The following C12orf42 variants were observed in gnomAD, a reference collection of about 807,000 sequenced individuals.
C12orf42 encodes chromosome 12 open reading frame 42, also known as uncharacterized protein C12orf42.
In C12orf42, 25 loss-of-function variants were observed where a neutral mutation model predicts 21.6. That is an observed-to-expected ratio of 1.16 (90% CI 0.84 to 1.62). C12orf42 has a LOEUF of 1.62. Among genes scored for constraint, C12orf42 ranks in the 40% most tolerant of loss-of-function variants. The pLI is 0.00. For missense variants in C12orf42, 483 were observed against 459.3 expected, an observed-to-expected ratio of 1.05 and a Z score of -0.47; for synonymous variants, 174 against 175.0, an observed-to-expected ratio of 0.99 and a Z score of 0.05.
At chr12:103,551,688 G>A in the C12orf42 span, among the ~76,000 whole-genome samples, 2 of 152,056 alleles carry the variant, frequency 1.3e-5, no homozygotes, top group Non-Finnish European at 2.9e-5. Context: ...ATGATGACAT[G>A]CACCTGTAGT....
the C12orf42 span, among the ~76,000 whole-genome samples, chr12:103,526,804 C>T: frequency 2.0e-5 from 3 of 152,188 alleles, no homozygotes; most frequent in Non-Finnish European, 4.4e-5. Flanking sequence ...GCATTTCAAT[C>T]TGGGACTGCT....
the C12orf42 span, among the ~76,000 whole-genome samples, chr12:103,052,088 T>C: frequency 1.3e-5 from 2 of 152,204 alleles, no homozygotes; most frequent in Non-Finnish European, 2.9e-5. Context: ...TTTAACAGTT[T>C]CTTTATTTTA....
intron 2 of C12orf42, among the ~76,000 whole-genome samples, chr12:103,433,510 C>T (rs1245658871): frequency 6.6e-6 from 1 of 152,164 alleles, no homozygotes; most frequent in East Asian, 1.9e-4. Context: ...AATTTCCTAA[C>T]AATTGTACCA....
intron 4 of C12orf42, among the ~76,000 whole-genome samples, chr12:103,362,596 A>G (rs1213945040): frequency 6.6e-6 from 1 of 152,102 alleles, no homozygotes; most frequent in African/African-American, 2.4e-5. Context: ...GAAATTGAAA[A>G]CATGATATAA....
intron 4 of C12orf42, among the ~76,000 whole-genome samples, chr12:103,347,914 T>C (rs140245726): frequency 6.6e-6 from 1 of 152,146 alleles, no homozygotes; most frequent in African/African-American, 2.4e-5. Context: ...TAAAAGAATA[T>C]GTATATAGGT....
At chr12:103,172,224 A>G in the C12orf42 span, among the ~76,000 whole-genome samples, 1 of 152,068 alleles carries the variant, frequency 6.6e-6, no homozygotes, top group African/African-American at 2.4e-5. Flanking sequence ...GAAAAACAGA[A>G]TAGGGTAATA....
the C12orf42 span, among the ~76,000 whole-genome samples, chr12:103,180,280 G>A: frequency 6.6e-6 from 1 of 152,160 alleles, no homozygotes; most frequent in Non-Finnish European, 1.5e-5. Flanking sequence ...TGGCGAGGAG[G>A]GGAGAAAATT....
the C12orf42 span, among the ~76,000 whole-genome samples, chr12:103,545,380 TA>T: frequency 1.1e-4 from 17 of 152,158 alleles, 1 homozygote; most frequent in African/African-American, 3.6e-4. Context: ...GAAATAAATA[TA>T]AAAAACATTT....
At chr12:103,227,623 G>T in the C12orf42 span, among the ~76,000 whole-genome samples, 2 of 152,046 alleles carry the variant, frequency 1.3e-5, no homozygotes, top group African/African-American at 2.4e-5. Flanking sequence ...GAGAGAAGGG[G>T]TTGGGGTACT....
chr12:103,188,028 T>C, the C12orf42 span, among the ~76,000 whole-genome samples: 2 of 152,224 alleles, frequency 1.3e-5, no homozygotes, highest in African/African-American at 2.4e-5. Flanking sequence ...CTGAATTTCC[T>C]TTGAAATCTC....
At chr12:103,395,116 C>T (rs552258928) in intron 3 of C12orf42, among the ~76,000 whole-genome samples, 1 of 152,334 alleles carries the variant, frequency 6.6e-6, no homozygotes, top group East Asian at 1.9e-4. Context: ...ATGGATCTTA[C>T]GTTCTATCAT....
the C12orf42 span, among the ~76,000 whole-genome samples, chr12:103,175,953 T>TGCTGGAC: frequency 6.6e-6 from 1 of 152,182 alleles, no homozygotes; most frequent in African/African-American, 2.4e-5. Context: ...GCACACTGGA[T>TGCTGGAC]GCTGGACACT....
rs113461176 is a variant in C12orf42, at chr12:103,388,318, G to C, written c.147+13289C>G. ...CCCAACAGACCTCCAGATGGGTGGG[G>C]TCAGTGCCTAAACCCCAGGCTACTC... On this transcript the variant is annotated intron_variant, in intron 3 of 5. Coordinates refer to ENST00000548883, the MANE Select transcript of C12orf42 (RefSeq NM_198521.5). Among the ~76,000 whole-genome samples the C allele has an allele frequency of 5.8e-3, 890 of 152,248 alleles. 6 individuals carry two copies. Among genetic ancestry groups the C allele is most frequent in the African/African-American group, 0.019 (803 of 41,542 alleles).
At chr12:103,324,030 C>T (rs1424646321) in intron 4 of C12orf42, among the ~76,000 whole-genome samples, 1 of 152,160 alleles carries the variant, frequency 6.6e-6, no homozygotes, top group African/African-American at 2.4e-5. Flanking sequence ...TCCTCTTTAA[C>T]ACTATGGCAA....
intron 2 of C12orf42, among the ~76,000 whole-genome samples, chr12:103,461,601 G>A (rs549301470): frequency 6.6e-6 from 1 of 152,316 alleles, no homozygotes; most frequent in African/African-American, 2.4e-5. Flanking sequence ...GAGTGTGGTA[G>A]AAAGAGTACT....
the C12orf42 span, among the ~76,000 whole-genome samples, chr12:103,103,211 G>A: frequency 6.6e-6 from 1 of 152,142 alleles, no homozygotes; most frequent in African/African-American, 2.4e-5. Context: ...CACAATGTGT[G>A]CACATCAGGA....
chr12:103,281,306 A>G (rs1011914181), intron 4 of C12orf42, among the ~76,000 whole-genome samples: 1 of 152,186 alleles, frequency 6.6e-6, no homozygotes, highest in African/African-American at 2.4e-5. Flanking sequence ...TAAAATGAAT[A>G]AGCATAAACA....
At chr12:103,343,212 CCTTT>C (rs2042310032) in intron 4 of C12orf42, among the ~76,000 whole-genome samples, 2 of 152,182 alleles carry the variant, frequency 1.3e-5, no homozygotes, top group African/African-American at 2.4e-5. Context: ...TTCATATCTT[CCTTT>C]AATTTTTTTC....
At chr12:103,129,142 C>T in the C12orf42 span, among the ~76,000 whole-genome samples, 1 of 152,128 alleles carries the variant, frequency 6.6e-6, no homozygotes, top group African/African-American at 2.4e-5. Flanking sequence ...TGCTATATTC[C>T]TGGAAGCTGT....
Sources: allele counts gnomAD v4.1 joint callset (sites outside exome capture counted in the v4.1 genomes callset), GRCh38; gene constraint gnomAD v4.1.1; transcripts MANE v1.5; gene names NCBI Gene and HGNC (gene_info 2026-07-23, HGNC 2026-07-21).